VPS13A: variants seen among roughly 807,000 people sequenced by gnomAD.
VPS13A encodes the protein vacuolar protein sorting 13 homolog A.
A neutral mutation model predicts 390.9 loss-of-function variants in VPS13A; 264 were observed. The ratio of observed to expected loss-of-function variants is 0.68; its 90% CI spans 0.61 to 0.75. VPS13A has a LOEUF of 0.75. Among genes scored for constraint, VPS13A ranks in the 30% least tolerant of loss-of-function variants. The pLI, the probability that VPS13A is intolerant of heterozygous loss-of-function variation, is 0.00. For missense variants in VPS13A, 3,409 were observed against 3,733.9 expected (o/e 0.91, Z 2.27); for synonymous variants, 1,231 against 1,227.1 (o/e 1.00, Z -0.07).
intron 50 of VPS13A, 66 bp from the exon 51 acceptor site, chr9:77,344,087 A>G: frequency 7.3e-7 from 1 of 1,367,988 alleles, no homozygotes; most frequent in Non-Finnish European, 1.0e-6. Context: ...TGGGAATATT[A>G]AGATGATTTA....
chr9:77,400,396 T>G (rs1284606836), intron 68 of VPS13A, among the ~76,000 whole-genome samples: 1 of 152,214 alleles, frequency 6.6e-6, no homozygotes, highest in South Asian at 2.1e-4. Flanking sequence ...TGTCCTTTGA[T>G]TTTTCTGTTA....
intron 67 of VPS13A, among the ~76,000 whole-genome samples, chr9:77,373,125 G>GA (rs1832874851): frequency 6.6e-6 from 1 of 151,946 alleles, no homozygotes; most frequent in East Asian, 1.9e-4. Context: ...CACAGAATTG[G>GA]AAAAAACTAC....
intron 19 of VPS13A, among the ~76,000 whole-genome samples, chr9:77,238,768 G>A (rs1037469456): frequency 3.9e-5 from 6 of 152,130 alleles, no homozygotes; most frequent in Admixed American, 3.9e-4. Flanking sequence ...ATAAGGTCGG[G>A]TACGATTTCT....
chr9:77,415,167 A>C (rs909801024), intron 71 of VPS13A, among the ~76,000 whole-genome samples: 10 of 152,252 alleles, frequency 6.6e-5, no homozygotes, highest in Non-Finnish European at 1.2e-4. Flanking sequence ...ACTGAAGGAC[A>C]GTACCACCTG....
At chr9:77,410,529 G>A (rs1190612074) in intron 71 of VPS13A, among the ~76,000 whole-genome samples, 1 of 152,162 alleles carries the variant, frequency 6.6e-6, no homozygotes, top group African/African-American at 2.4e-5. Flanking sequence ...ACCCATCAGT[G>A]TGCTGTATTC....
At chr9:77,196,534 T>A (rs1825013364) in intron 1 of VPS13A, among the ~76,000 whole-genome samples, 1 of 152,188 alleles carries the variant, frequency 6.6e-6, no homozygotes, top group South Asian at 2.1e-4. Context: ...ACACTACTTC[T>A]ATGAGATGTC....
chr9:77,199,367 T>G (rs1313515010), intron 1 of VPS13A, among the ~76,000 whole-genome samples: 1 of 152,202 alleles, frequency 6.6e-6, no homozygotes, highest in Non-Finnish European at 1.5e-5. Context: ...ATTTTCTTTG[T>G]GGTTACGATG....
At chr9:77,194,275 G>A (rs1824856647) in intron 1 of VPS13A, among the ~76,000 whole-genome samples, 1 of 152,028 alleles carries the variant, frequency 6.6e-6, no homozygotes, top group African/African-American at 2.4e-5. Flanking sequence ...GTGGCTGTCG[G>A]GAAGTGCTGC....
Position 77,206,208 on chromosome 9 carries a change from AT to A in VPS13A, c.385+130del, listed in dbSNP as rs1825631197. 4 of 735,594 alleles carry A rather than the reference AT, an allele frequency of 5.4e-6. No individual in the cohort carries two copies. In the East Asian group the frequency reaches 1.2e-4, roughly 22 times the overall value. The allele number at this position is 735,594 out of a possible 1,614,324, so 45.6% of individuals were successfully genotyped here. A position where few individuals can be genotyped will look rare whatever the true frequency, so the allele number is the denominator to read the frequency against. On this transcript the variant is annotated intron_variant, in intron 5 of 71. Coordinates refer to ENST00000360280, the MANE Select transcript of VPS13A (RefSeq NM_033305.3). ...CAGAAATATGATAGAATCTCATTGC[AT>A]GGGGAATTTTAATGTGGTTTGTATG...
chr9:77,293,701 T>C (rs1827809990), intron 32 of VPS13A, among the ~76,000 whole-genome samples, 193 bp downstream of exon 32: 1 of 151,876 alleles, frequency 6.6e-6, no homozygotes, highest in African/African-American at 2.4e-5. Context: ...ATAGGAATAT[T>C]CTAATTAATT....
intron 9 of VPS13A, among the ~76,000 whole-genome samples, chr9:77,214,024 C>T (rs1000414893): frequency 6.6e-6 from 1 of 151,762 alleles, no homozygotes; most frequent in African/African-American, 2.4e-5. Flanking sequence ...ACCTGTAATC[C>T]CAGCACTTTG....
chr9:77,222,919 G>C lies in VPS13A; in HGVS notation c.1161+1563G>C, dbSNP rs118062591. On this transcript the variant is annotated intron_variant, in intron 13 of 71. Transcript: ENST00000360280. ...CTCTTGTGCCAATCACCAAGTTTTG[G>C]CCAATCACATGTGGCCAGTTGTTCA... is the stretch of plus-strand genomic sequence containing the variant. Among the ~76,000 whole-genome samples the C allele has an allele frequency of 1.5e-3, 231 of 152,240 alleles. 1 individual carries two copies. Among genetic ancestry groups the C allele is most frequent in the African/African-American group, 5.3e-3 (222 of 41,554 alleles).
intron 68 of VPS13A, among the ~76,000 whole-genome samples, chr9:77,400,652 G>A (rs1159579717): frequency 3.9e-4 from 59 of 151,234 alleles, no homozygotes; most frequent in Non-Finnish European, 8.8e-5. Flanking sequence ...GTGAAACCCC[G>A]TCTCTACTAA....
At chr9:77,186,239 G>A (rs945841405) in intron 1 of VPS13A, among the ~76,000 whole-genome samples, 9 of 152,144 alleles carry the variant, frequency 5.9e-5, no homozygotes, top group African/African-American at 1.9e-4. Flanking sequence ...TAACATTGTT[G>A]TCATTAATTT....
Position 77,407,565 on chromosome 9 carries a change from G to C in VPS13A, c.9432G>C (p.Glu3144Asp). 1 of 1,613,186 alleles carries C rather than the reference G, an allele frequency of 6.2e-7. No individual in the cohort carries two copies. The highest frequency in any genetic ancestry group is 1.1e-5 in the South Asian group (1 of 91,020). Residue 3144 changes from glutamate to aspartate, a missense_variant, in exon 71 of 72, where the codon GAG becomes GAC. Coordinates refer to ENST00000360280, the MANE Select transcript of VPS13A (RefSeq NM_033305.3). ...TGAAGTCTGTATTTCATGCCAGAGA[G>C]TTTGGAAAAATAATTAACTTCAAGA... is the stretch of plus-strand genomic sequence containing the variant. ...ERVKSVFHAR[E>D]FGKIINFKTP...
chr9:77,359,324 C>G lies in VPS13A; in HGVS notation c.8036-9C>G. The G allele has an allele frequency of 6.2e-7, 1 of 1,612,404 alleles. No homozygotes were observed. Among genetic ancestry groups the G allele is most frequent in the Non-Finnish European group, 8.5e-7 (1 of 1,178,774 alleles). ...ATCATGGGAGTAATTATATTTATAA[C>G]CTTTACAGCACCAAAGCCCTTTACA... On this transcript the variant is annotated splice_polypyrimidine_tract_variant and intron_variant, in intron 57 of 71. Transcript: ENST00000360280.
At position 77,416,139 on chromosome 9, in the gene VPS13A, C is replaced by T. The variant is rs1385306907; in HGVS notation, c.*133C>T. ...TATTCTGGATGCTAAAAAACAAAAA[C>T]AAACAAAAAAACAAAAACAAAAAAA... is the stretch of plus-strand genomic sequence containing the variant. On this transcript the variant is annotated 3_prime_UTR_variant, in exon 72 of 72. Coordinates refer to ENST00000360280, the MANE Select transcript of VPS13A (RefSeq NM_033305.3). 3 of 1,111,020 alleles carry T rather than the reference C, an allele frequency of 2.7e-6. No homozygotes were observed. The highest frequency in any genetic ancestry group is 3.9e-6 in the Non-Finnish European group (3 of 761,736). The allele number at this position is 1,111,020 out of a possible 1,614,324, so 68.8% of individuals were successfully genotyped here.
intron 10 of VPS13A, among the ~76,000 whole-genome samples, chr9:77,219,164 C>T (rs80163433): frequency 2.0e-5 from 3 of 146,428 alleles, no homozygotes; most frequent in African/African-American, 5.0e-5. Flanking sequence ...ATTTCTTCTG[C>T]TTTTTTTTTT....
At chr9:77,384,726 T>C in intron 68 of VPS13A, 1 of 1,562,486 alleles carries the variant, frequency 6.4e-7, no homozygotes, top group Non-Finnish European at 8.6e-7. Context: ...TTCATTAACA[T>C]GTTTTGTATG....
Sources: gnomAD v4.1 joint callset for allele counts (sites outside exome capture counted in the v4.1 genomes callset) on GRCh38, gnomAD v4.1.1 for gene constraint, MANE v1.5 for transcripts, NCBI Gene and HGNC (gene_info 2026-07-23, HGNC 2026-07-21) for gene names.